The following APBA1 variants were observed in gnomAD, a reference collection of about 807,000 sequenced individuals.
The protein encoded by APBA1 is amyloid beta precursor protein binding family A member 1.
A neutral mutation model predicts 86.6 loss-of-function variants in APBA1; 55 were observed. That is an observed-to-expected ratio of 0.64 (90% CI 0.51 to 0.80). The LOEUF is 0.80. Ranked by LOEUF, APBA1 falls within the 30% of genes least tolerant of loss-of-function variation. The pLI, the probability that APBA1 is intolerant of heterozygous loss-of-function variation, is 0.00. For synonymous variants in APBA1, 511 were observed against 493.9 expected, an observed-to-expected ratio of 1.03 and a Z score of -0.46; for missense variants, 1,090 against 1,183.0, an observed-to-expected ratio of 0.92 and a Z score of 1.15.
At chr9:69,473,565 T>C (rs1435113351) in intron 3 of APBA1, among the ~76,000 whole-genome samples, 3 of 152,216 alleles carry the variant, frequency 2.0e-5, no homozygotes, top group African/African-American at 7.2e-5. Flanking sequence ...TACAAAAGAA[T>C]TACTTTGGTC....
At chr9:69,588,728 C>T (rs896915629) in intron 1 of APBA1, among the ~76,000 whole-genome samples, 8 of 152,110 alleles carry the variant, frequency 5.3e-5, no homozygotes, top group Admixed American at 2.0e-4. Context: ...TAACTGAGTA[C>T]GTATCATATG....
At chr9:69,611,190 T>A (rs1478538543) in intron 1 of APBA1, among the ~76,000 whole-genome samples, 1 of 147,730 alleles carries the variant, frequency 6.8e-6, no homozygotes, top group African/African-American at 2.5e-5. Context: ...GACTTTCATA[T>A]CAAACAGGTC....
At chr9:69,649,856 G>A (rs538806799) in intron 1 of APBA1, among the ~76,000 whole-genome samples, 4 of 152,118 alleles carry the variant, frequency 2.6e-5, no homozygotes, top group African/African-American at 9.7e-5. Context: ...GTGGGGGTAG[G>A]GTGGGGAAAG....
At chr9:69,440,354 T>G (rs1003590565) in intron 11 of APBA1, among the ~76,000 whole-genome samples, 1 of 152,136 alleles carries the variant, frequency 6.6e-6, no homozygotes, top group Non-Finnish European at 1.5e-5. Context: ...CTGCTGCCTT[T>G]TGTTTGTCTG....
chr9:69,441,262 G>A, intron 10 of APBA1, 147 bp from the exon 11 acceptor site: 1 of 977,052 alleles, frequency 1.0e-6, no homozygotes, highest in Non-Finnish European at 1.5e-6. Flanking sequence ...TGGTGCCTGG[G>A]CTGGTACAGT....
chr9:69,517,325 C>G (rs1836184150), intron 1 of APBA1, 46 bp from the exon 2 acceptor site: 2 of 1,374,926 alleles, frequency 1.5e-6, no homozygotes, highest in African/African-American at 1.5e-5. Context: ...TGCAAACAGT[C>G]GTTATGAGCT....
intron 1 of APBA1, among the ~76,000 whole-genome samples, chr9:69,540,889 G>A (rs940719416): frequency 1.3e-5 from 2 of 152,176 alleles, no homozygotes; most frequent in African/African-American, 4.8e-5. Flanking sequence ...ACAAGCATGA[G>A]CCACCACGCT....
intron 1 of APBA1, among the ~76,000 whole-genome samples, chr9:69,620,809 GGAGATGCCATGGAGGGA>G (rs1276804941): frequency 6.6e-6 from 1 of 152,242 alleles, no homozygotes; most frequent in Non-Finnish European, 1.5e-5. Flanking sequence ...ATCTCTGCAT[GGAGATGCCATGGAGGGA>G]GGTGTTACAG....
intron 1 of APBA1, among the ~76,000 whole-genome samples, chr9:69,534,035 C>T (rs952299306): frequency 1.2e-4 from 19 of 152,154 alleles, no homozygotes; most frequent in Non-Finnish European, 2.9e-5. Context: ...AAAATAATTA[C>T]AACAAGATGC....
At chr9:69,491,187 A>T (rs1835703971) in intron 2 of APBA1, among the ~76,000 whole-genome samples, 1 of 152,128 alleles carries the variant, frequency 6.6e-6, no homozygotes, top group Non-Finnish European at 1.5e-5. Context: ...TCACAATAGC[A>T]AAGACTTGGA....
intron 1 of APBA1, among the ~76,000 whole-genome samples, chr9:69,524,225 A>G (rs1397293414): frequency 6.6e-6 from 1 of 152,164 alleles, no homozygotes. Flanking sequence ...AAGAAGAAAT[A>G]ACTAAAATCA....
intron 1 of APBA1, among the ~76,000 whole-genome samples, chr9:69,554,003 A>C (rs1836825614): frequency 6.6e-6 from 1 of 152,192 alleles, no homozygotes; most frequent in Non-Finnish European, 1.5e-5. Flanking sequence ...CAGGGCATGC[A>C]ATTGAGCACA....
chr9:69,485,771 C>T (rs192572281), intron 2 of APBA1, among the ~76,000 whole-genome samples: 277 of 152,196 alleles, frequency 1.8e-3, no homozygotes, highest in Non-Finnish European at 2.9e-3. Context: ...AGCAGATTCT[C>T]TACAGCTACC....
At chr9:69,530,710 A>C (rs1353202003) in intron 1 of APBA1, among the ~76,000 whole-genome samples, 1 of 152,228 alleles carries the variant, frequency 6.6e-6, no homozygotes, top group Non-Finnish European at 1.5e-5. Flanking sequence ...TACACCCTAC[A>C]TCTAAAATAT....
chr9:69,475,489 C>G (rs532301594), intron 3 of APBA1, among the ~76,000 whole-genome samples: 1 of 152,168 alleles, frequency 6.6e-6, no homozygotes, highest in Admixed American at 6.5e-5. Flanking sequence ...GAGAGAAGGG[C>G]GCTCATAAGA....
intron 11 of APBA1, among the ~76,000 whole-genome samples, chr9:69,435,672 T>C (rs567497045): frequency 3.9e-5 from 6 of 152,340 alleles, no homozygotes; most frequent in Non-Finnish European, 5.9e-5. Flanking sequence ...TTTGAGTTCA[T>C]TGTAGATTCT....
intron 2 of APBA1, among the ~76,000 whole-genome samples, chr9:69,476,482 T>A (rs1219164906): frequency 6.6e-6 from 1 of 152,190 alleles, no homozygotes; most frequent in African/African-American, 2.4e-5. Flanking sequence ...GTTTAAAACA[T>A]TTTTTTCTTA....
In APBA1 at chr9:69,590,393, G is replaced by A. The variant is rs77456276; in HGVS notation, c.-69-73114C>T. Among the ~76,000 whole-genome samples the A allele has an allele frequency of 4.4e-3, 675 of 152,256 alleles. 3 individuals carry two copies. The highest frequency in any genetic ancestry group is 0.015 in the African/African-American group (629 of 41,534). On this transcript the variant is annotated intron_variant, in intron 1 of 12. Coordinates refer to ENST00000265381, the MANE Select transcript of APBA1 (RefSeq NM_001163.4). ...TTGGTTCTAGTCCTGGCTTTGGGCC[G>A]GCTCCTTATGTGCTGCAGGGTAAGC... is the stretch of plus-strand genomic sequence containing the variant.
At chr9:69,447,041 T>C (rs1477403261) in intron 10 of APBA1, among the ~76,000 whole-genome samples, 2 of 152,114 alleles carry the variant, frequency 1.3e-5, no homozygotes, top group Non-Finnish European at 2.9e-5. Context: ...CACTGTCAGG[T>C]TCTGGCAAGA....
Sources: gnomAD v4.1 joint callset for allele counts (sites outside exome capture counted in the v4.1 genomes callset) on GRCh38, gnomAD v4.1.1 for gene constraint, MANE v1.5 for transcripts, NCBI Gene and HGNC (gene_info 2026-07-23, HGNC 2026-07-21) for gene names.